Variants in HELLS observed in about 807,000 individuals in gnomAD.
HELLS encodes helicase, lymphoid specific.
In HELLS, 32 loss-of-function variants were observed where a neutral mutation model predicts 120.0. The observed-to-expected ratio is 0.27, with a 90% confidence interval of 0.20 to 0.36. The LOEUF (loss-of-function observed/expected upper bound fraction) is 0.36. HELLS is among the 10% of genes least tolerant of loss of function. The pLI, the probability that HELLS is intolerant of heterozygous loss-of-function variation, is 1.00. For missense variants in HELLS, 650 were observed against 993.4 expected (o/e 0.65, Z 4.65); for synonymous variants, 341 against 323.4 (o/e 1.05, Z -0.58).
At chr10:94,565,726 A>G (rs1843759254) in intron 6 of HELLS, among the ~76,000 whole-genome samples, 1 of 152,198 alleles carries the variant, frequency 6.6e-6, no homozygotes, top group South Asian at 2.1e-4. Context: ...GCCATACTGA[A>G]GTTTAGCCAG....
intron 7 of HELLS, among the ~76,000 whole-genome samples, 165 bp from the exon 8 acceptor site, chr10:94,573,795 A>G (rs989558421): frequency 6.6e-6 from 1 of 151,580 alleles, no homozygotes; most frequent in Non-Finnish European, 1.5e-5. Context: ...TTTCATTTGT[A>G]GAGGGATGGC....
intron 4 of HELLS, among the ~76,000 whole-genome samples, chr10:94,560,447 C>A (rs1843493136): frequency 6.6e-6 from 1 of 152,148 alleles, no homozygotes. Context: ...ATAATCCCAA[C>A]ACTTTGGGAG....
intron 13 of HELLS, among the ~76,000 whole-genome samples, chr10:94,590,049 A>G (rs561107807): frequency 2.0e-5 from 3 of 152,234 alleles, no homozygotes; most frequent in African/African-American, 7.2e-5. Context: ...ACAAATTTAC[A>G]TTATTTGTCT....
At chr10:94,573,812 T>G (rs1452019616) in intron 7 of HELLS, 148 bp from the exon 8 acceptor site, 2 of 537,838 alleles carry the variant, frequency 3.7e-6, no homozygotes, top group African/African-American at 2.0e-5. Context: ...TGGCGATGTC[T>G]CCAGTTTTTT....
chr10:94,597,153 C>T lies in HELLS; in HGVS notation c.2422+42C>T, dbSNP rs372100705. ...TTTTTAATGGAAGCTTCGAAACATA[C>T]ACTTAATTAGCATAATGTAATGAAC... On this transcript the variant is annotated intron_variant, in intron 21 of 21. Coordinates refer to ENST00000348459, the MANE Select transcript of HELLS (RefSeq NM_018063.5). 145 of 1,114,396 alleles carry T rather than the reference C, an allele frequency of 1.3e-4. No individual in the cohort carries two copies. In the African/African-American group the frequency reaches 1.9e-3, roughly 14 times the overall value. 69.0% of individuals were successfully genotyped at this position (1,114,396 alleles called of 1,614,324 possible).
intron 10 of HELLS, among the ~76,000 whole-genome samples, chr10:94,580,486 A>T (rs75994056): frequency 0.028 from 4,244 of 152,030 alleles, 92 homozygotes; most frequent in South Asian, 0.044. Flanking sequence ...CCGGCCAAGG[A>T]TATTTTATAT....
chr10:94,610,590 AT>A (rs3054952), exon 10 of HELLS: 2,665 of 149,114 alleles, frequency 0.018, 82 homozygotes, highest in African/African-American at 0.055. Context: ...CAGATAATAG[AT>A]TTTTTTTTTT....
At chr10:94,597,149 CAT>C (rs754971542) in intron 21 of HELLS, 38 bp downstream of exon 21, 21 of 1,160,572 alleles carry the variant, frequency 1.8e-5, no homozygotes, top group Non-Finnish European at 1.8e-5. Context: ...AGCTTCGAAA[CAT>C]ACACTTAATT....
At chr10:94,575,109 T>C (rs1421974217) in intron 9 of HELLS, among the ~76,000 whole-genome samples, 1 of 149,342 alleles carries the variant, frequency 6.7e-6, no homozygotes. Flanking sequence ...TTTTTTTTTT[T>C]TTTTTTTTTT....
intron 12 of HELLS, chr10:94,583,938 G>T (rs1175186159): frequency 2.1e-6 from 1 of 480,756 alleles, no homozygotes; most frequent in South Asian, 3.8e-5. Flanking sequence ...CAAGGTTGTA[G>T]TATCTGTATT....
chr10:94,590,818 T>A, intron 15 of HELLS, 42 bp downstream of exon 15: 1 of 1,121,814 alleles, frequency 8.9e-7, no homozygotes, highest in Non-Finnish European at 1.3e-6. Context: ...TGATTTCCAT[T>A]ACTTTTATAT....
intron 12 of HELLS, among the ~76,000 whole-genome samples, chr10:94,585,082 A>T (rs1845055541): frequency 1.3e-5 from 2 of 151,964 alleles, no homozygotes; most frequent in Non-Finnish European, 2.9e-5. Flanking sequence ...TGCAATGTTT[A>T]CATAAACCTT....
intron 12 of HELLS, among the ~76,000 whole-genome samples, chr10:94,587,206 C>T (rs918386427): frequency 6.6e-6 from 1 of 151,854 alleles, no homozygotes; most frequent in African/African-American, 2.4e-5. Flanking sequence ...GGTCAGCTGG[C>T]TTTTTACTGA....
chr10:94,572,033 G>A (rs959565733), intron 7 of HELLS, among the ~76,000 whole-genome samples: 1 of 152,124 alleles, frequency 6.6e-6, no homozygotes, highest in Non-Finnish European at 1.5e-5. Context: ...GGAAATTAAT[G>A]TTATGTTTAT....
intron 21 of HELLS, among the ~76,000 whole-genome samples, chr10:94,600,292 TAA>T (rs34515684): frequency 6.4e-5 from 9 of 139,846 alleles, no homozygotes; most frequent in African/African-American, 8.0e-5. Flanking sequence ...CTCTGTCTCT[TAA>T]AAAAAAAAAA....
chr10:94,585,099 TA>T (rs869237070), intron 12 of HELLS, among the ~76,000 whole-genome samples: 30 of 151,982 alleles, frequency 2.0e-4, no homozygotes, highest in African/African-American at 6.0e-4. Flanking sequence ...CCTTGCATAG[TA>T]AAAAAAATTT....
intron 6 of HELLS, among the ~76,000 whole-genome samples, chr10:94,565,671 C>T (rs956619312): frequency 8.5e-5 from 13 of 152,282 alleles, no homozygotes; most frequent in Non-Finnish European, 1.2e-4. Flanking sequence ...GCCTGGGCAA[C>T]AAGAGTGAAA....
exon 10 of HELLS, chr10:94,611,034 TAGA>T (rs986083609): frequency 1.3e-5 from 2 of 152,214 alleles, no homozygotes; most frequent in Non-Finnish European, 2.9e-5. Context: ...TTGAAGACCT[TAGA>T]AGATTTCCCT....
At chr10:94,613,160 C>T (rs975677696) in exon 10 of HELLS, 4 of 152,176 alleles carry the variant, frequency 2.6e-5, no homozygotes, top group Non-Finnish European at 5.9e-5. Context: ...CTTTTCAGAA[C>T]GATTGTGAGT....
Sources: gnomAD v4.1 joint callset for allele counts (sites outside exome capture counted in the v4.1 genomes callset) on GRCh38, gnomAD v4.1.1 for gene constraint, MANE v1.5 for transcripts, NCBI Gene and HGNC (gene_info 2026-07-23, HGNC 2026-07-21) for gene names.